MYO3A: variants seen among roughly 807,000 people sequenced by gnomAD.
The protein encoded by MYO3A is myosin-IIIa.
In MYO3A, 180 loss-of-function variants were observed where a neutral mutation model predicts 192.7. That is an observed-to-expected ratio of 0.93 (90% CI 0.83 to 1.06). The LOEUF is 1.06. Ranked by LOEUF, MYO3A falls within the 50% of genes least tolerant of loss-of-function variation. The pLI, the probability that MYO3A is intolerant of heterozygous loss-of-function variation, is 0.00. For synonymous variants in MYO3A, 628 were observed against 645.3 expected (o/e 0.97, Z 0.41); for missense variants, 1,896 against 1,905.0 (o/e 1.00, Z 0.09).
In MYO3A at chr10:26,174,461, A is replaced by G; in HGVS notation, c.4197A>G (p.Lys1399=). The change falls in exon 30 of 35, where the codon AAA becomes AAG. Residue 1399 remains lysine, a synonymous_variant. Coordinates refer to ENST00000642920, the MANE Select transcript of MYO3A (RefSeq NM_017433.5). ...ATAATTTGTATTCCTATCCCACAAAACATGAGGAAATCAATAACATCAAGA... is the reference window on the plus strand; with the variant it reads ...ATAATTTGTATTCCTATCCCACAAAGCATGAGGAAATCAATAACATCAAGA... The part of the protein sequence containing the change: ...NTHNLYSYPT[K]HEEINNIKKK... 1 of 1,614,214 alleles carries G rather than the reference A, an allele frequency of 6.2e-7. No homozygotes were observed.
At chr10:25,964,931 C>T (rs953822343) in intron 4 of MYO3A, among the ~76,000 whole-genome samples, 1 of 152,182 alleles carries the variant, frequency 6.6e-6, no homozygotes, top group East Asian at 1.9e-4. Flanking sequence ...ATGCCACTCT[C>T]TCCTGGCCCA....
intron 10 of MYO3A, among the ~76,000 whole-genome samples, chr10:26,042,333 CCTT>C (rs1843397644): frequency 6.6e-6 from 1 of 151,978 alleles, no homozygotes; most frequent in South Asian, 2.1e-4. Flanking sequence ...CATTCTATAA[CCTT>C]CTTCTTCTTG....
At chr10:26,017,179 CATGTATCTGTACTA>C (rs1400408282) in intron 7 of MYO3A, among the ~76,000 whole-genome samples, 1 of 152,104 alleles carries the variant, frequency 6.6e-6, no homozygotes, top group Non-Finnish European at 1.5e-5. Flanking sequence ...AGGTGTTTAG[CATGTATCTGTACTA>C]ATGATATTTA....
chr10:25,990,650 ACCCCTCC>A (rs373323768), intron 4 of MYO3A, among the ~76,000 whole-genome samples: 9,176 of 126,912 alleles, frequency 0.072, 606 homozygotes, highest in African/African-American at 0.16. Context: ...TCCTAAGGCT[ACCCCTCC>A]CCCCTCCCCC....
intron 10 of MYO3A, among the ~76,000 whole-genome samples, chr10:26,066,715 A>G (rs1000308350): frequency 1.3e-5 from 2 of 152,238 alleles, no homozygotes; most frequent in Non-Finnish European, 2.9e-5. Context: ...GAAGCTTTAA[A>G]ACAAATTATA....
intron 7 of MYO3A, 25 bp from the exon 8 acceptor site, chr10:26,021,478 T>G: frequency 6.2e-7 from 1 of 1,612,846 alleles, no homozygotes; most frequent in Non-Finnish European, 8.5e-7. Flanking sequence ...AAATTTCACC[T>G]TTTGATGGTG....
chr10:26,056,785 C>T (rs1834136357), intron 10 of MYO3A, among the ~76,000 whole-genome samples: 2 of 152,182 alleles, frequency 1.3e-5, no homozygotes, highest in African/African-American at 4.8e-5. Flanking sequence ...TAATTGTACA[C>T]ACCAGAAATC....
intron 25 of MYO3A, among the ~76,000 whole-genome samples, chr10:26,156,154 A>G (rs763016303): frequency 2.6e-5 from 4 of 152,228 alleles, no homozygotes; most frequent in African/African-American, 4.8e-5. Flanking sequence ...TTACAGATAA[A>G]TGTAATGAAA....
chr10:25,980,967 C>G (rs886921661), intron 4 of MYO3A, among the ~76,000 whole-genome samples: 2 of 152,122 alleles, frequency 1.3e-5, no homozygotes, highest in Non-Finnish European at 2.9e-5. Context: ...AGTAGATTCA[C>G]TGCCCTAAAA....
chr10:26,133,415 C>G (rs1839654348), intron 20 of MYO3A, among the ~76,000 whole-genome samples: 1 of 152,196 alleles, frequency 6.6e-6, no homozygotes, highest in African/African-American at 2.4e-5. Context: ...TGTTGCTCTT[C>G]TCTCCCTCTG....
At chr10:26,104,322 A>G (rs1156546154) in intron 17 of MYO3A, among the ~76,000 whole-genome samples, 1 of 152,110 alleles carries the variant, frequency 6.6e-6, no homozygotes, top group Non-Finnish European at 1.5e-5. Flanking sequence ...GTATAGTTTT[A>G]GCTCTTACAT....
At chr10:25,996,451 A>G (rs1840445465) in intron 4 of MYO3A, 39 bp from the exon 5 acceptor site, 1 of 1,534,606 alleles carries the variant, frequency 6.5e-7, no homozygotes, top group African/African-American at 1.4e-5. Context: ...ATAAAATGTC[A>G]CATGTTTTTA....
chr10:26,128,670 T>C, intron 20 of MYO3A, 132 bp downstream of exon 20: 1 of 953,850 alleles, frequency 1.0e-6, no homozygotes, highest in East Asian at 2.7e-5. Context: ...TTTTATTATC[T>C]CCACGTCCAT....
At chr10:26,066,880 A>G in intron 10 of MYO3A, 95 bp from the exon 11 acceptor site, 1 of 785,630 alleles carries the variant, frequency 1.3e-6, no homozygotes, top group Admixed American at 1.9e-5. Context: ...TAATAAACAG[A>G]TTCCTAGAGG....
chr10:26,188,861 A>G (rs1842988654), intron 31 of MYO3A, among the ~76,000 whole-genome samples: 1 of 152,162 alleles, frequency 6.6e-6, no homozygotes, highest in Non-Finnish European at 1.5e-5. Flanking sequence ...CTGTTTTGGT[A>G]TCAGTACCAT....
intron 6 of MYO3A, among the ~76,000 whole-genome samples, chr10:26,009,516 C>T (rs34992226): frequency 6.6e-6 from 1 of 152,106 alleles, no homozygotes. Context: ...CTGCCTCCTA[C>T]TCTCTCATTG....
intron 17 of MYO3A, among the ~76,000 whole-genome samples, chr10:26,109,667 T>C (rs1282051155): frequency 2.6e-5 from 4 of 152,236 alleles, no homozygotes; most frequent in Non-Finnish European, 5.9e-5. Flanking sequence ...ATTGTTGCTG[T>C]GAAACATTCC....
At chr10:26,157,980 A>T (rs1841247868) in intron 26 of MYO3A, among the ~76,000 whole-genome samples, 1 of 152,116 alleles carries the variant, frequency 6.6e-6, no homozygotes, top group Non-Finnish European at 1.5e-5. Flanking sequence ...CAGCCATTCT[A>T]CAATTTACAG....
intron 4 of MYO3A, among the ~76,000 whole-genome samples, chr10:25,976,509 C>T (rs543505508): frequency 3.9e-5 from 6 of 152,178 alleles, no homozygotes; most frequent in South Asian, 2.1e-4. Context: ...AATCTCATGT[C>T]CCCTCCTAAA....
Sources: allele counts gnomAD v4.1 joint callset (sites outside exome capture counted in the v4.1 genomes callset), GRCh38; gene constraint gnomAD v4.1.1; transcripts MANE v1.5; gene names NCBI Gene and HGNC (gene_info 2026-07-23, HGNC 2026-07-21).